QRFPR: variants seen among roughly 807,000 people sequenced by gnomAD.
The protein encoded by QRFPR is pyroglutamylated RF-amide peptide receptor.
In QRFPR, 37 loss-of-function variants were observed where a neutral mutation model predicts 31.3. The ratio of observed to expected loss-of-function variants is 1.18; its 90% CI spans 0.91 to 1.56. The LOEUF (loss-of-function observed/expected upper bound fraction) is 1.56, where lower values mean the gene tolerates loss of function less well. QRFPR is among the 40% of genes most tolerant of loss of function. The probability of loss-of-function intolerance (pLI) is 0.00; values close to 1 mark genes in which losing one functional copy is unlikely to be tolerated. For synonymous variants in QRFPR, 197 were observed against 192.0 expected, an observed-to-expected ratio of 1.03 and a Z score of -0.22; for missense variants, 542 against 532.5, an observed-to-expected ratio of 1.02 and a Z score of -0.18.
intron 1 of QRFPR, among the ~76,000 whole-genome samples, chr4:121,359,542 G>A (rs970315687): frequency 4.6e-5 from 7 of 151,966 alleles, no homozygotes; most frequent in South Asian, 4.2e-4. Context: ...TTTGAGACTC[G>A]GACTGGCTCT....
chr4:121,379,710 A>G (rs1425625145), intron 1 of QRFPR, among the ~76,000 whole-genome samples: 1 of 152,154 alleles, frequency 6.6e-6, no homozygotes, highest in Non-Finnish European at 1.5e-5. Flanking sequence ...TTCCTGCATG[A>G]CACTTAATAC....
At chr4:121,365,668 ATATAT>A (rs1726123249) in intron 1 of QRFPR, among the ~76,000 whole-genome samples, 1 of 63,700 alleles carries the variant, frequency 1.6e-5, no homozygotes, top group African/African-American at 6.3e-5. Flanking sequence ...TATATATTTT[ATATAT>A]TATATATATA....
chr4:121,365,491 TATATATATA>T lies in QRFPR; in HGVS notation c.340+14808_340+14816del, dbSNP rs1726075502. Among the ~76,000 whole-genome samples, 2 of 9,254 alleles carry T rather than the reference TATATATATA, an allele frequency of 2.2e-4. 1 individual carries two copies. Among genetic ancestry groups the T allele is most frequent in the Non-Finnish European group, 3.3e-4 (2 of 5,996 alleles). 6.1% of individuals were successfully genotyped at this position (9,254 alleles called of 152,430 possible). A position where few individuals can be genotyped will look rare whatever the true frequency, so the allele number is the denominator to read the frequency against. Reference sequence around the variant, plus strand: ...AAATAAATTAATTAATTAATTAAATTATATATATAATATATATAATATATATTATATATA... The same window carrying T: ...AAATAAATTAATTAATTAATTAAATTATATATATAATATATATTATATATA... On this transcript the variant is annotated intron_variant, in intron 1 of 5. Coordinates refer to ENST00000394427, the MANE Select transcript of QRFPR (RefSeq NM_198179.3).
chr4:121,332,257 T>A, intron 4 of QRFPR, among the ~76,000 whole-genome samples: 1 of 152,228 alleles, frequency 6.6e-6, no homozygotes, highest in East Asian at 1.9e-4. Context: ...AGTCATGTTT[T>A]AAAATTTCTA....
intron 4 of QRFPR, among the ~76,000 whole-genome samples, chr4:121,332,355 A>G (rs891052063): frequency 1.3e-5 from 2 of 152,252 alleles, no homozygotes; most frequent in Non-Finnish European, 1.5e-5. Context: ...TCGGTTTCCA[A>G]AGGATTTTCA....
At chr4:121,366,258 A>G (rs1157180631) in intron 1 of QRFPR, among the ~76,000 whole-genome samples, 1 of 149,870 alleles carries the variant, frequency 6.7e-6, no homozygotes, top group Non-Finnish European at 1.5e-5. Context: ...TGGGCATTTT[A>G]CTTACTATAA....
At chr4:121,362,638 T>C (rs1726015222) in intron 1 of QRFPR, among the ~76,000 whole-genome samples, 1 of 150,030 alleles carries the variant, frequency 6.7e-6, no homozygotes, top group Non-Finnish European at 1.5e-5. Flanking sequence ...AATAGATCAA[T>C]AGAATAGAAT....
At chr4:121,370,551 A>G (rs1006239618) in intron 1 of QRFPR, among the ~76,000 whole-genome samples, 20 of 152,308 alleles carry the variant, frequency 1.3e-4, no homozygotes, top group African/African-American at 3.8e-4. Context: ...CCGGCACTAA[A>G]AAGATTCCAA....
At chr4:121,376,714 C>T (rs1229312681) in intron 1 of QRFPR, among the ~76,000 whole-genome samples, 1 of 152,142 alleles carries the variant, frequency 6.6e-6, no homozygotes, top group African/African-American at 2.4e-5. Flanking sequence ...TGGCTGGCTC[C>T]AAAGAGACAA....
intron 1 of QRFPR, chr4:121,370,185 G>A: frequency 1.3e-6 from 1 of 772,132 alleles, no homozygotes. Flanking sequence ...TGGCTTCCAA[G>A]GGATGCTGCC....
chr4:121,346,967 A>G (rs1725663599), intron 1 of QRFPR, among the ~76,000 whole-genome samples: 1 of 152,164 alleles, frequency 6.6e-6, no homozygotes, highest in African/African-American at 2.4e-5. Context: ...CATAAGAGCT[A>G]TTCGTTTGCA....
chr4:121,338,915 C>T (rs1725485837), intron 2 of QRFPR, among the ~76,000 whole-genome samples: 1 of 152,154 alleles, frequency 6.6e-6, no homozygotes, highest in African/African-American at 2.4e-5. Context: ...TAATCCTTTC[C>T]TTACTTGCTT....
chr4:121,329,375 C>T lies in QRFPR; in HGVS notation c.1235G>A (p.Arg412Gln), dbSNP rs1203514936. The T allele has an allele frequency of 3.7e-6, 6 of 1,613,964 alleles. No individual in the cohort carries two copies. Among genetic ancestry groups the T allele is most frequent in the South Asian group, 3.3e-5 (3 of 91,068 alleles). Reference protein sequence around the residue: ...EQTEEKKKLKRHLALFRSELA... With the variant: ...EQTEEKKKLKQHLALFRSELA... ...TTCAGACCTAAAGAGAGCAAGATGT[C>T]GTTTGAGCTTTTTCTTCTCCTCTGT... Residue 412 changes from arginine to glutamine, a missense_variant, in exon 6 of 6, where the codon CGA (arginine) becomes CAA (glutamine). By Grantham distance (43) the Arg-to-Gln change is conservative. Coordinates refer to ENST00000394427, the MANE Select transcript of QRFPR (RefSeq NM_198179.3).
Position 121,377,563 on chromosome 4 carries a change from A to T in QRFPR, c.340+2745T>A, listed in dbSNP as rs185921398. On this transcript the variant is annotated intron_variant, in intron 1 of 5. Transcript: ENST00000394427. ...TCCCTCCAACTTGGCACTGACCCCT[A>T]TTCCTAGAACACACTCCATCCTCTG... 4.4e-3 allele frequency among the ~76,000 whole-genome samples: 668 copies of T among 152,158 alleles called. 9 individuals carry two copies. The highest frequency in any genetic ancestry group is 3.4e-3 in the Non-Finnish European group (230 of 67,982).
chr4:121,354,701 T>C (rs991232712), intron 1 of QRFPR, among the ~76,000 whole-genome samples: 2 of 152,084 alleles, frequency 1.3e-5, no homozygotes, highest in Admixed American at 6.5e-5. Flanking sequence ...CATACATGGT[T>C]TCTATCATGT....
intron 3 of QRFPR, among the ~76,000 whole-genome samples, chr4:121,336,206 G>A (rs1203608189): frequency 6.6e-6 from 1 of 152,128 alleles, no homozygotes; most frequent in Non-Finnish European, 1.5e-5. Flanking sequence ...TGCAAGACAT[G>A]TTAAAGTCCA....
chr4:121,370,089 C>T (rs964654718), intron 1 of QRFPR: 14 of 771,470 alleles, frequency 1.8e-5, no homozygotes, highest in African/African-American at 6.8e-5. Flanking sequence ...TGTCAATGGC[C>T]GATGACAGGG....
intron 1 of QRFPR, among the ~76,000 whole-genome samples, chr4:121,363,061 G>C (rs691500): frequency 1 from 149,503 of 150,108 alleles, 74,492 homozygotes; most frequent in East Asian, 1. Flanking sequence ...AGGCCGGGCA[G>C]AGTGGCTCAT....
intron 1 of QRFPR, among the ~76,000 whole-genome samples, chr4:121,368,249 AG>A (rs1726164392): frequency 6.7e-6 from 1 of 150,040 alleles, no homozygotes; most frequent in African/African-American, 2.5e-5. Context: ...GACCTGAACA[AG>A]GAAATCAAAA....
Sources: allele counts gnomAD v4.1 joint callset (sites outside exome capture counted in the v4.1 genomes callset), GRCh38; gene constraint gnomAD v4.1.1; transcripts MANE v1.5; gene names NCBI Gene and HGNC (gene_info 2026-07-23, HGNC 2026-07-21).